Variants in RIMBP2 observed in about 807,000 individuals in gnomAD.
RIMBP2 encodes the protein RIMS binding protein 2, also known as RIMS-binding protein 2.
A neutral mutation model predicts 118.6 loss-of-function variants in RIMBP2; 48 were observed. The observed-to-expected ratio is 0.40, with a 90% confidence interval of 0.32 to 0.51. The LOEUF (loss-of-function observed/expected upper bound fraction) is 0.51. Among genes scored for constraint, RIMBP2 ranks in the 20% least tolerant of loss-of-function variants. The probability of loss-of-function intolerance (pLI) is 0.41; values close to 1 mark genes in which losing one functional copy is unlikely to be tolerated. For missense variants in RIMBP2, 1,551 were observed against 1,768.3 expected (o/e 0.88, Z 2.20); for synonymous variants, 762 against 742.9 (o/e 1.03, Z -0.42).
At chr12:130,645,598 G>C (rs2062831240) in intron 1 of RIMBP2, among the ~76,000 whole-genome samples, 1 of 152,210 alleles carries the variant, frequency 6.6e-6, no homozygotes, top group African/African-American at 2.4e-5. Context: ...ACTGGAGCAA[G>C]CACATAGCCT....
intron 4 of RIMBP2, among the ~76,000 whole-genome samples, chr12:130,504,293 G>A (rs1038313493): frequency 5.3e-5 from 8 of 152,118 alleles, no homozygotes; most frequent in African/African-American, 9.7e-5. Context: ...GCTGTGAGCC[G>A]GCCCTCAGGC....
chr12:130,439,716 TGGG>T (rs1232905455), intron 11 of RIMBP2, among the ~76,000 whole-genome samples: 1 of 131,006 alleles, frequency 7.6e-6, no homozygotes. Flanking sequence ...GGGGTGTCGG[TGGG>T]GGTGTTTGTG....
intron 2 of RIMBP2, among the ~76,000 whole-genome samples, chr12:130,600,966 A>T (rs1389757362): frequency 6.6e-6 from 1 of 152,004 alleles, no homozygotes; most frequent in African/African-American, 2.4e-5. Context: ...TAACCTCCCC[A>T]CACCTCTATA....
chr12:130,514,919 C>G (rs996729134), intron 3 of RIMBP2, among the ~76,000 whole-genome samples: 3 of 152,128 alleles, frequency 2.0e-5, no homozygotes, highest in Admixed American at 6.5e-5. Context: ...CTCTGTCGCC[C>G]AGGCTGGAGT....
chr12:130,660,263 G>A (rs927744767), intron 1 of RIMBP2: 1 of 70,116 alleles, frequency 1.4e-5, no homozygotes, highest in Non-Finnish European at 3.8e-5. Context: ...GGTGGCTCCT[G>A]TGTCTACGAG....
chr12:130,654,247 G>A (rs144351572), intron 1 of RIMBP2, among the ~76,000 whole-genome samples: 15 of 152,240 alleles, frequency 9.9e-5, no homozygotes, highest in Non-Finnish European at 1.8e-4. Context: ...CTGAGCATAG[G>A]TTATTAGAAG....
Position 130,511,173 on chromosome 12 carries a change from A to C in RIMBP2, c.-126-4403T>G, listed in dbSNP as rs1375700794. ...GCAGAGTCAGAGACAAAAAAGAGAGAGCTTAGGTGATGCTCTGCTGCCAGC... is the reference window on the plus strand; with the variant it reads ...GCAGAGTCAGAGACAAAAAAGAGAGCGCTTAGGTGATGCTCTGCTGCCAGC... On this transcript the variant is annotated intron_variant, in intron 3 of 22. Coordinates refer to ENST00000690449, the MANE Select transcript of RIMBP2 (RefSeq NM_001393629.1). This position sits in a 1 kb window ranked among gnomAD's most constrained non-coding sequence, Gnocchi z 4.3. 1.3e-5 allele frequency among the ~76,000 whole-genome samples: 2 copies of C among 151,996 alleles called. No individual in the cohort carries two copies. Among genetic ancestry groups the C allele is most frequent in the Non-Finnish European group, 2.9e-5 (2 of 68,010 alleles).
intron 1 of RIMBP2, among the ~76,000 whole-genome samples, chr12:130,684,752 C>G (rs892664863): frequency 6.6e-5 from 10 of 152,222 alleles, no homozygotes; most frequent in African/African-American, 2.4e-4. Context: ...ACCCTTACAG[C>G]AGAGCACATC....
chr12:130,424,970 G>T lies in RIMBP2; in HGVS notation c.2413-112C>A, dbSNP rs550530310. ...ACAGAATTAGTCCTGGAGGCACCGAGGGGGGGGAAGCATGCGTCTACTCAG... is the reference window on the plus strand; with the variant it reads ...ACAGAATTAGTCCTGGAGGCACCGATGGGGGGGAAGCATGCGTCTACTCAG... On this transcript the variant is annotated intron_variant, in intron 15 of 22. Coordinates refer to ENST00000690449, the MANE Select transcript of RIMBP2 (RefSeq NM_001393629.1). The surrounding 1 kb of genome is among the most constrained non-coding windows in gnomAD (Gnocchi z 9.8). 4.4e-5 allele frequency: 24 copies of T among 544,032 alleles called. No homozygotes were observed. Among genetic ancestry groups the T allele is most frequent in the Middle Eastern group, 5.4e-4 (1 of 1,864 alleles). The allele number at this position is 544,032 out of a possible 1,614,324, so 33.7% of individuals were successfully genotyped here. A position where few individuals can be genotyped will look rare whatever the true frequency, so the allele number is the denominator to read the frequency against.
intron 2 of RIMBP2, among the ~76,000 whole-genome samples, chr12:130,564,278 T>G (rs1376568602): frequency 6.6e-6 from 1 of 152,114 alleles, no homozygotes; most frequent in Non-Finnish European, 1.5e-5. Flanking sequence ...TTTTACAACT[T>G]CTCAGATGTC....
chr12:130,698,717 A>G (rs866731692), intron 1 of RIMBP2, among the ~76,000 whole-genome samples: 57 of 152,296 alleles, frequency 3.7e-4, no homozygotes, highest in Middle Eastern at 3.4e-3. Flanking sequence ...AACAAAAGCC[A>G]AAATTGACAA....
chr12:130,535,742 T>TAC (rs1164884297), intron 2 of RIMBP2, among the ~76,000 whole-genome samples: 10 of 23,122 alleles, frequency 4.3e-4, no homozygotes, highest in Admixed American at 1.0e-3. Context: ...TATATACATA[T>TAC]ATATATATAT....
chr12:130,565,663 C>A (rs2057163261), intron 2 of RIMBP2, among the ~76,000 whole-genome samples: 1 of 152,230 alleles, frequency 6.6e-6, no homozygotes, highest in African/African-American at 2.4e-5. Context: ...AAAGCCCACT[C>A]CTTGTCCCCT....
chr12:130,632,403 T>C (rs2062052560), intron 1 of RIMBP2, among the ~76,000 whole-genome samples: 1 of 152,014 alleles, frequency 6.6e-6, no homozygotes, highest in African/African-American at 2.4e-5. Flanking sequence ...TTTTTTTTTC[T>C]AGTTCTATTA....
At chr12:130,519,428 T>C (rs1265642896) in intron 2 of RIMBP2, among the ~76,000 whole-genome samples, 1 of 152,242 alleles carries the variant, frequency 6.6e-6, no homozygotes, top group Non-Finnish European at 1.5e-5. Context: ...CGGGAAACAA[T>C]GATTACCCAA....
Position 130,525,237 on chromosome 12 carries a change from G to A in RIMBP2, c.-216-7320C>T, listed in dbSNP as rs1444157840. 6.6e-6 allele frequency among the ~76,000 whole-genome samples: 1 copy of A among 152,216 alleles called. No individual in the cohort carries two copies. Among genetic ancestry groups the A allele is most frequent in the African/African-American group, 2.4e-5 (1 of 41,444 alleles). On this transcript the variant is annotated intron_variant, in intron 2 of 22. Coordinates refer to ENST00000690449, the MANE Select transcript of RIMBP2 (RefSeq NM_001393629.1). The surrounding 1 kb of genome is among the most constrained non-coding windows in gnomAD (Gnocchi z 4.4). Reference sequence around the variant, plus strand: ...GGCTTTTCTAGGAGCTGAGTGACCAGAGCCTTGAGAGTGGGGACCGGCAGG... The same window carrying A: ...GGCTTTTCTAGGAGCTGAGTGACCAAAGCCTTGAGAGTGGGGACCGGCAGG...
intron 1 of RIMBP2, among the ~76,000 whole-genome samples, chr12:130,698,922 A>G (rs200075821): frequency 6.6e-6 from 1 of 152,196 alleles, no homozygotes. Context: ...TGGGTGAAGG[A>G]CATGAACAGA....
In RIMBP2 at chr12:130,457,709, G is replaced by C. The variant is rs530567589; in HGVS notation, c.154-1009C>G. Among the ~76,000 whole-genome samples, 20 of 152,306 alleles carry C rather than the reference G, an allele frequency of 1.3e-4. 1 individual carries two copies. The highest frequency in any genetic ancestry group is 2.6e-4 in the Non-Finnish European group (18 of 68,028). On this transcript the variant is annotated intron_variant, in intron 6 of 22. Coordinates refer to ENST00000690449, the MANE Select transcript of RIMBP2 (RefSeq NM_001393629.1). ...GTCGGTGTCCACGGCTACACTCTCGGCCCCAAGCCTCTGCTTTCTGGCTCA... is the reference window on the plus strand; with the variant it reads ...GTCGGTGTCCACGGCTACACTCTCGCCCCCAAGCCTCTGCTTTCTGGCTCA...
intron 1 of RIMBP2, among the ~76,000 whole-genome samples, chr12:130,707,288 C>T (rs527834938): frequency 4.7e-4 from 71 of 152,268 alleles, no homozygotes; most frequent in Middle Eastern, 6.8e-3. Flanking sequence ...CAGAATGGAA[C>T]GGTGCCCACC....
Sources: gnomAD v4.1 joint callset for allele counts (sites outside exome capture counted in the v4.1 genomes callset) on GRCh38, gnomAD v4.1.1 for gene constraint, Gnocchi (gnomAD v3.1) non-coding constraint, MANE v1.5 for transcripts, NCBI Gene and HGNC (gene_info 2026-07-23, HGNC 2026-07-21) for gene names.